UST: variants seen among roughly 807,000 people sequenced by gnomAD.
The protein encoded by UST is uronyl 2-sulfotransferase.
A neutral mutation model predicts 45.6 loss-of-function variants in UST; 21 were observed. The observed-to-expected ratio is 0.46, with a 90% CI of 0.33 to 0.66. UST has a LOEUF of 0.66. Among genes scored for constraint, UST ranks in the 30% least tolerant of loss-of-function variants. The pLI is 0.02. For synonymous variants in UST, 215 were observed against 200.6 expected (o/e 1.07, Z -0.61); for missense variants, 463 against 512.4 (o/e 0.90, Z 0.93).
chr6:148,751,240 A>T (rs1156622610), intron 1 of UST, among the ~76,000 whole-genome samples: 1 of 152,206 alleles, frequency 6.6e-6, no homozygotes, highest in Non-Finnish European at 1.5e-5. Context: ...TGTGATTTAA[A>T]AATGTACATG....
intron 7 of UST, among the ~76,000 whole-genome samples, chr6:149,043,062 CTTCT>C (rs781008898): frequency 1.1e-3 from 121 of 112,164 alleles, no homozygotes; most frequent in South Asian, 5.7e-3. Context: ...TCCTTCTTTC[CTTCT>C]TTCTTTCTTT....
intron 5 of UST, among the ~76,000 whole-genome samples, chr6:149,014,616 C>T (rs936692168): frequency 2.0e-5 from 3 of 152,150 alleles, no homozygotes; most frequent in Non-Finnish European, 4.4e-5. Context: ...CCCAAGTGAG[C>T]GCTAGCCCAG....
chr6:148,756,482 G>A (rs982222353), intron 1 of UST, among the ~76,000 whole-genome samples: 10 of 152,122 alleles, frequency 6.6e-5, no homozygotes, highest in African/African-American at 1.2e-4. Flanking sequence ...TTGAAGCTAC[G>A]CCATACCTCT....
chr6:148,817,115 C>T (rs141372052), intron 1 of UST, among the ~76,000 whole-genome samples: 1 of 152,108 alleles, frequency 6.6e-6, no homozygotes, highest in Non-Finnish European at 1.5e-5. Flanking sequence ...GGCACGTGGC[C>T]TACTCTTTCA....
At chr6:148,970,844 G>C (rs574994510) in intron 5 of UST, among the ~76,000 whole-genome samples, 37 of 152,276 alleles carry the variant, frequency 2.4e-4, no homozygotes, top group African/African-American at 8.4e-4. Context: ...CTCTAGCCCA[G>C]CTGGAAAGGG....
intron 5 of UST, among the ~76,000 whole-genome samples, chr6:148,977,433 C>T (rs1046330232): frequency 7.9e-5 from 12 of 151,986 alleles, no homozygotes; most frequent in African/African-American, 2.9e-4. Flanking sequence ...TGTCTTTGTT[C>T]ATTTTTCCTT....
chr6:149,043,007 C>CTT (rs1348396299), intron 7 of UST, among the ~76,000 whole-genome samples: 1 of 112,328 alleles, frequency 8.9e-6, no homozygotes, highest in African/African-American at 4.7e-5. Flanking sequence ...TTCTTTCTTT[C>CTT]TTTCTTTCTT....
At chr6:148,860,387 G>C (rs535811733) in intron 1 of UST, among the ~76,000 whole-genome samples, 1 of 152,348 alleles carries the variant, frequency 6.6e-6, no homozygotes, top group East Asian at 1.9e-4. Flanking sequence ...AGCTTAAGGA[G>C]ATTTTGGGCT....
At chr6:148,885,668 A>G (rs1317569023) in intron 1 of UST, among the ~76,000 whole-genome samples, 1 of 152,226 alleles carries the variant, frequency 6.6e-6, no homozygotes, top group Non-Finnish European at 1.5e-5. Context: ...TGACAAAGAA[A>G]AGGGGAAGGA....
At chr6:149,060,771 G>A (rs1776642344) in intron 7 of UST, among the ~76,000 whole-genome samples, 1 of 152,208 alleles carries the variant, frequency 6.6e-6, no homozygotes, top group South Asian at 2.1e-4. Flanking sequence ...TCTAACCTGA[G>A]ATGAGTAAGT....
intron 5 of UST, among the ~76,000 whole-genome samples, chr6:149,003,785 G>A (rs1242583993): frequency 6.6e-6 from 1 of 152,230 alleles, no homozygotes; most frequent in Non-Finnish European, 1.5e-5. Context: ...GAATCTGCAG[G>A]TGTGGCTTTT....
intron 7 of UST, among the ~76,000 whole-genome samples, chr6:149,042,944 C>A (rs1776335321): frequency 7.1e-6 from 1 of 141,434 alleles, no homozygotes; most frequent in Admixed American, 7.1e-5. Flanking sequence ...TCAGCTGCTC[C>A]ATCACCATCC....
chr6:148,936,636 G>C (rs190236485), intron 2 of UST, among the ~76,000 whole-genome samples: 39 of 140,066 alleles, frequency 2.8e-4, no homozygotes, highest in Admixed American at 2.7e-3. Context: ...CAAATAAAAG[G>C]TGATGAACAT....
intron 1 of UST, among the ~76,000 whole-genome samples, chr6:148,872,421 A>C (rs1778575648): frequency 6.7e-6 from 1 of 150,154 alleles, no homozygotes; most frequent in Non-Finnish European, 1.5e-5. Context: ...TCCAAATAAA[A>C]AATGTATCAG....
chr6:148,896,726 T>C (rs1779139302), intron 2 of UST, among the ~76,000 whole-genome samples: 1 of 152,192 alleles, frequency 6.6e-6, no homozygotes, highest in Non-Finnish European at 1.5e-5. Context: ...ACCCACCCCT[T>C]AGGCTGAAAA....
At chr6:149,040,343 C>A (rs2115030642) in intron 7 of UST, among the ~76,000 whole-genome samples, 1 of 152,192 alleles carries the variant, frequency 6.6e-6, no homozygotes. Flanking sequence ...CCTGTAGATA[C>A]TAGCAGGTAA....
intron 4 of UST, among the ~76,000 whole-genome samples, chr6:148,960,161 C>T (rs1300946717): frequency 3.3e-5 from 5 of 152,046 alleles, no homozygotes; most frequent in South Asian, 2.1e-4. Flanking sequence ...TGGTGATGGG[C>T]GCCTGTAATC....
intron 1 of UST, among the ~76,000 whole-genome samples, chr6:148,879,824 C>T (rs1778788764): frequency 6.6e-6 from 1 of 152,146 alleles, no homozygotes; most frequent in Non-Finnish European, 1.5e-5. Flanking sequence ...CTTGGAAAAC[C>T]TTGAGGAGGT....
intron 7 of UST, among the ~76,000 whole-genome samples, chr6:149,061,329 T>C (rs1030527321): frequency 6.6e-6 from 1 of 152,162 alleles, no homozygotes; most frequent in African/African-American, 2.4e-5. Context: ...AAAGGGACTT[T>C]TAGGAGTACT....
Sources: allele counts gnomAD v4.1 joint callset (sites outside exome capture counted in the v4.1 genomes callset), GRCh38; gene constraint gnomAD v4.1.1; transcripts MANE v1.5; gene names NCBI Gene and HGNC (gene_info 2026-07-23, HGNC 2026-07-21).